Variants in STK10 observed in about 807,000 individuals in gnomAD.
STK10 encodes serine/threonine kinase 10, also known as serine/threonine-protein kinase 10.
In STK10, 78 loss-of-function variants were observed where a neutral mutation model predicts 113.8. The ratio of observed to expected loss-of-function variants is 0.69; its 90% CI spans 0.57 to 0.83. The LOEUF (loss-of-function observed/expected upper bound fraction) is 0.83, where lower values mean the gene tolerates loss of function less well. Ranked by LOEUF, STK10 falls within the 40% of genes least tolerant of loss-of-function variation. The pLI is 0.00. For missense variants in STK10, 1,109 were observed against 1,280.1 expected (o/e 0.87, Z 2.04); for synonymous variants, 465 against 494.7 (o/e 0.94, Z 0.80).
intron 2 of STK10, among the ~76,000 whole-genome samples, chr5:172,150,369 T>C (rs973636618): frequency 6.6e-6 from 1 of 150,648 alleles, no homozygotes; most frequent in Non-Finnish European, 1.5e-5. Flanking sequence ...TAATCCCAGC[T>C]AGTCGGGAAG....
chr5:172,128,221 CAAAAAAAAAAAAAAA>C lies in STK10; in HGVS notation c.322-815_322-801del, dbSNP rs35298910. On this transcript the variant is annotated intron_variant, in intron 2 of 18. Transcript: ENST00000176763. ...AGAGCAATAGAGGGAGACTCCGTCT[CAAAAAAAAAAAAAAA>C]AAAAAAAAAGAAAGGTTCTTCCAGC... Among the ~76,000 whole-genome samples the C allele has an allele frequency of 2.6e-3, 198 of 77,260 alleles. 1 individual carries two copies. Among genetic ancestry groups the C allele is most frequent in the Middle Eastern group, 7.0e-3 (1 of 142 alleles). The allele number at this position is 77,260 out of a possible 152,430, so 50.7% of individuals were successfully genotyped here. A position where few individuals can be genotyped will look rare whatever the true frequency, so the allele number is the denominator to read the frequency against.
At chr5:172,072,392 G>A (rs557404596) in intron 12 of STK10, among the ~76,000 whole-genome samples, 2 of 151,966 alleles carry the variant, frequency 1.3e-5, no homozygotes, top group South Asian at 2.1e-4. Context: ...TCAGCCTCCC[G>A]AGTAGCTGGG....
intron 10 of STK10, among the ~76,000 whole-genome samples, chr5:172,088,268 G>T (rs1489308238): frequency 6.6e-6 from 1 of 151,778 alleles, no homozygotes; most frequent in Non-Finnish European, 1.5e-5. Context: ...GCTCACATCT[G>T]TAATTCCAGC....
chr5:172,145,768 C>T (rs1236534018), intron 2 of STK10, among the ~76,000 whole-genome samples: 1 of 152,206 alleles, frequency 6.6e-6, no homozygotes, highest in Non-Finnish European at 1.5e-5. Context: ...GTAGAGGCTG[C>T]CTCCCTGGTT....
At chr5:172,108,593 G>A (rs568209445) in intron 4 of STK10, among the ~76,000 whole-genome samples, 1 of 143,310 alleles carries the variant, frequency 7.0e-6, no homozygotes, top group South Asian at 2.2e-4. Flanking sequence ...TCCAGCCCAG[G>A]CAATAGAGTG....
intron 8 of STK10, among the ~76,000 whole-genome samples, 170 bp from the exon 9 acceptor site, chr5:172,094,130 G>A (rs189645795): frequency 1.3e-3 from 193 of 152,218 alleles, no homozygotes; most frequent in African/African-American, 4.3e-3. Context: ...TTGCCTAACC[G>A]TAATACAATT....
At chr5:172,160,347 T>A (rs997469022) in intron 1 of STK10, among the ~76,000 whole-genome samples, 2 of 151,066 alleles carry the variant, frequency 1.3e-5, no homozygotes, top group Non-Finnish European at 2.9e-5. Context: ...TGGTGGCACA[T>A]GCCTGTAATC....
intron 18 of STK10, among the ~76,000 whole-genome samples, chr5:172,048,414 T>TACACACACAC (rs370301917): frequency 0.061 from 7,806 of 128,354 alleles, 459 homozygotes; most frequent in Admixed American, 0.14. Context: ...TCCCTCTCCC[T>TACACACACAC]ACACACACAC....
intron 2 of STK10, among the ~76,000 whole-genome samples, chr5:172,137,214 G>A (rs1426538361): frequency 6.6e-6 from 1 of 151,988 alleles, no homozygotes; most frequent in Non-Finnish European, 1.5e-5. Flanking sequence ...TGAGAATGTG[G>A]CCCAGCAGGT....
intron 1 of STK10, among the ~76,000 whole-genome samples, chr5:172,165,981 C>T (rs575582147): frequency 1.2e-4 from 19 of 152,072 alleles, no homozygotes; most frequent in African/African-American, 3.9e-4. Flanking sequence ...TTAGTGGCGA[C>T]GGGGTTTCTC....
At chr5:172,095,712 C>T (rs1184118722) in intron 8 of STK10, among the ~76,000 whole-genome samples, 1 of 152,228 alleles carries the variant, frequency 6.6e-6, no homozygotes, top group Non-Finnish European at 1.5e-5. Flanking sequence ...GCTGCAGTGC[C>T]GTCCACAGCA....
intron 12 of STK10, among the ~76,000 whole-genome samples, chr5:172,077,948 T>C (rs371205404): frequency 2.6e-5 from 4 of 152,072 alleles, no homozygotes; most frequent in Admixed American, 1.3e-4. Context: ...AGCACTGGAA[T>C]GGCTGATGCA....
At chr5:172,156,139 A>T (rs541596872) in intron 2 of STK10, among the ~76,000 whole-genome samples, 141 of 152,358 alleles carry the variant, frequency 9.3e-4, no homozygotes, top group African/African-American at 3.2e-3. Flanking sequence ...AAGGATCTCC[A>T]TGTAACAGCT....
intron 12 of STK10, among the ~76,000 whole-genome samples, chr5:172,074,938 G>A (rs906251780): frequency 2.7e-5 from 4 of 150,372 alleles, no homozygotes; most frequent in Middle Eastern, 3.2e-3. Context: ...AGGATTGCTC[G>A]AACCCACGAG....
Position 172,082,415 on chromosome 5 carries a change from G to A in STK10, c.1900C>T (p.Arg634Cys), listed in dbSNP as rs761809175. 2.4e-5 allele frequency: 38 copies of A among 1,610,802 alleles called. No individual in the cohort carries two copies. Among genetic ancestry groups the A allele is most frequent in the Admixed American group, 5.0e-5 (3 of 59,546 alleles). ...VEKMEQDHAV[R>C]RREEARRIRL... Reference sequence around the variant, plus strand: ...ATCCGCCTGGCCTCCTCCCGGCGGCGCACGGCATGGTCTTGCTCCATCTTC... The same window carrying A: ...ATCCGCCTGGCCTCCTCCCGGCGGCACACGGCATGGTCTTGCTCCATCTTC... Residue 634 changes from arginine to cysteine, a missense_variant, in exon 12 of 19, where the codon CGC becomes TGC. Around this residue, in one of 5 missense-constraint regions of STK10, gnomAD observed 885 missense variants for 991.1 expected, o/e 0.89. Coordinates refer to ENST00000176763, the MANE Select transcript of STK10 (RefSeq NM_005990.4). The surrounding 1 kb of genome is among the most constrained non-coding windows in gnomAD (Gnocchi z 4.3).
intron 16 of STK10, 109 bp downstream of exon 16, chr5:172,055,479 C>A (rs534180116): frequency 3.5e-6 from 4 of 1,148,458 alleles, no homozygotes; most frequent in East Asian, 3.2e-5. Context: ...CGTGAGCCAG[C>A]CTGCATCTTG....
rs536452653 is a variant in STK10 at position 172,130,928 on chromosome 5, C to A, written c.322-3507G>T. The stretch of plus-strand genomic sequence containing the variant: ...ATATGCCTTCCTCTCAGTCTGATTC[C>A]TAGGGAAAACAAAACAAAACAAAGA... On this transcript the variant is annotated intron_variant, in intron 2 of 18. Coordinates refer to ENST00000176763, the MANE Select transcript of STK10 (RefSeq NM_005990.4). 3.0e-3 allele frequency among the ~76,000 whole-genome samples: 433 copies of A among 145,382 alleles called. 4 individuals are homozygous for A. The highest frequency in any genetic ancestry group is 9.9e-3 in the African/African-American group (400 of 40,238).
rs750858115 is a variant in STK10 at position 172,180,607 on chromosome 5, A to G, written c.156+7280T>C. The stretch of plus-strand genomic sequence containing the variant: ...GGAGTTCAAGACCAGCCTGGCCAAC[A>G]TGGTGAAACCCCGTCTCTACTAAAA... On this transcript the variant is annotated intron_variant, in intron 1 of 18. Transcript: ENST00000176763. Among the ~76,000 whole-genome samples, 9 of 151,928 alleles carry G rather than the reference A, an allele frequency of 5.9e-5. No homozygotes were observed. The South Asian group carries it at 8.3e-4, about 14-fold the overall frequency.
At chr5:172,061,444 T>C (rs1367888771) in intron 13 of STK10, 176 bp from the exon 14 acceptor site, 4 of 786,764 alleles carry the variant, frequency 5.1e-6, no homozygotes, top group Non-Finnish European at 7.6e-6. Context: ...AATTTCAACA[T>C]GTGGGCTTCA....
Sources: gnomAD v4.1 joint callset for allele counts (sites outside exome capture counted in the v4.1 genomes callset) on GRCh38, gnomAD v4.1.1 for gene constraint, gnomAD v4.1.1 regional missense constraint, Gnocchi (gnomAD v3.1) non-coding constraint, MANE v1.5 for transcripts, NCBI Gene and HGNC (gene_info 2026-07-23, HGNC 2026-07-21) for gene names.